SDK1: variants seen among roughly 807,000 people sequenced by gnomAD.
SDK1 encodes sidekick cell adhesion molecule 1, also known as protein sidekick-1.
A neutral mutation model predicts 245.5 loss-of-function variants in SDK1; 157 were observed. The ratio of observed to expected loss-of-function variants is 0.64; its 90% CI spans 0.56 to 0.73. SDK1 has a LOEUF of 0.73. Ranked by LOEUF, SDK1 falls within the 30% of genes least tolerant of loss-of-function variation. The pLI is 0.00. For synonymous variants in SDK1, 1,647 were observed against 1,278.5 expected, an observed-to-expected ratio of 1.29 and a Z score of -6.15; for missense variants, 3,583 against 3,002.3, an observed-to-expected ratio of 1.19 and a Z score of -4.52.
intron 5 of SDK1, among the ~76,000 whole-genome samples, chr7:3,858,866 CTTT>C (rs11464569): frequency 1.5e-5 from 2 of 131,354 alleles, no homozygotes. Context: ...TTTCTTTTTT[CTTT>C]TTTTTTTTTT....
intron 4 of SDK1, among the ~76,000 whole-genome samples, chr7:3,744,923 T>G (rs903261614): frequency 1.3e-5 from 2 of 152,192 alleles, no homozygotes; most frequent in Non-Finnish European, 2.9e-5. Flanking sequence ...TTTTTTGTGG[T>G]TATGCTTTTC....
chr7:4,236,746 G>A (rs187954353), intron 41 of SDK1, among the ~76,000 whole-genome samples: 158 of 152,200 alleles, frequency 1.0e-3, no homozygotes, highest in African/African-American at 3.6e-3. Context: ...AGGAGGAGGC[G>A]TAACAGGTGG....
intron 5 of SDK1, among the ~76,000 whole-genome samples, chr7:3,827,823 G>C (rs370274030): frequency 5.3e-5 from 8 of 152,164 alleles, no homozygotes; most frequent in African/African-American, 1.9e-4. Flanking sequence ...GATGGAAGCT[G>C]TCTGGATATT....
intron 31 of SDK1, 140 bp from the exon 32 acceptor site, chr7:4,161,646 A>G: frequency 1.5e-6 from 1 of 672,926 alleles, no homozygotes; most frequent in Admixed American, 2.3e-5. Flanking sequence ...GCCCCGAGGA[A>G]GGGCAGGAGA....
At chr7:3,341,476 C>G (rs1042592795) in intron 1 of SDK1, among the ~76,000 whole-genome samples, 1 of 152,000 alleles carries the variant, frequency 6.6e-6, no homozygotes, top group Non-Finnish European at 1.5e-5. Context: ...CTTTGCTGTC[C>G]AAAACAGTAG....
At chr7:4,074,137 G>T (rs796410044) in intron 20 of SDK1, among the ~76,000 whole-genome samples, 51 of 152,252 alleles carry the variant, frequency 3.3e-4, no homozygotes, top group African/African-American at 1.2e-3. Flanking sequence ...CTAAGTAGCT[G>T]GGCAGGCTGA....
chr7:4,009,452 C>T (rs889022503), intron 14 of SDK1, among the ~76,000 whole-genome samples: 1 of 152,136 alleles, frequency 6.6e-6, no homozygotes, highest in African/African-American at 2.4e-5. Flanking sequence ...TTTTAGGCTC[C>T]CAGAGTAAAA....
rs113949862 is a variant in SDK1, at chr7:3,557,346, T to A, written c.299-61734T>A. Among the ~76,000 whole-genome samples, 1,297 of 152,296 alleles carry A rather than the reference T, an allele frequency of 8.5e-3. 22 individuals are homozygous for A. Among genetic ancestry groups the A allele is most frequent in the African/African-American group, 0.029 (1,220 of 41,562 alleles). ...ATTTTCCAACTAAGAAGAAATGAGG[T>A]CAGTTTGTCAAAAACTGCAAACTAA... On this transcript the variant is annotated intron_variant, in intron 1 of 44. Transcript: ENST00000404826.
chr7:3,569,381 T>C (rs1780035275), intron 1 of SDK1, among the ~76,000 whole-genome samples: 1 of 152,216 alleles, frequency 6.6e-6, no homozygotes, highest in Non-Finnish European at 1.5e-5. Context: ...GTCACCTGGT[T>C]CCCAAGGTTC....
At chr7:4,165,960 A>G (rs1187396896) in intron 32 of SDK1, among the ~76,000 whole-genome samples, 1 of 151,626 alleles carries the variant, frequency 6.6e-6, no homozygotes, top group Non-Finnish European at 1.5e-5. Flanking sequence ...CTACTTCTTC[A>G]AAAAATTTCA....
At position 4,017,327 on chromosome 7, in the gene SDK1, A is replaced by C; in HGVS notation, c.2577A>C (p.Ala859=). 3 of 1,613,306 alleles carry C rather than the reference A, an allele frequency of 1.9e-6. No individual in the cohort carries two copies. The highest frequency in any genetic ancestry group is 1.7e-6 in the Non-Finnish European group (2 of 1,179,660). ...NGAGLGVFSR[A]VTEYTLQGVP... ...CCGGTCTGGGCGTCTTCAGCAGGGCAGTGACCGAGTACACCTTGCAGGGAG... is the reference window on the plus strand; with the variant it reads ...CCGGTCTGGGCGTCTTCAGCAGGGCCGTGACCGAGTACACCTTGCAGGGAG... The change falls in exon 17 of 45, where the codon GCA becomes GCC. Residue 859 remains alanine, a synonymous_variant. Coordinates refer to ENST00000404826, the MANE Select transcript of SDK1 (RefSeq NM_152744.4).
intron 11 of SDK1, 53 bp downstream of exon 11, chr7:3,969,477 AC>A (rs1283223919): frequency 9.3e-6 from 13 of 1,404,442 alleles, no homozygotes; most frequent in Non-Finnish European, 1.0e-5. Flanking sequence ...TTTAATCATC[AC>A]GTCATCGTGT....
chr7:3,403,864 T>C (rs1255376533), intron 1 of SDK1, among the ~76,000 whole-genome samples: 2 of 116,386 alleles, frequency 1.7e-5, no homozygotes, highest in African/African-American at 3.4e-5. Context: ...TATATATATA[T>C]ATATAATATA....
At chr7:3,612,103 C>T (rs560492498) in intron 1 of SDK1, among the ~76,000 whole-genome samples, 27 of 152,064 alleles carry the variant, frequency 1.8e-4, no homozygotes, top group South Asian at 2.1e-4. Flanking sequence ...AAGGGTGGGA[C>T]GGGGGTGAGG....
chr7:3,991,598 G>C (rs1171849270), intron 14 of SDK1, among the ~76,000 whole-genome samples: 7 of 152,122 alleles, frequency 4.6e-5, no homozygotes, highest in Admixed American at 4.6e-4. Context: ...ACTCAGAAGG[G>C]GACAGAGAAC....
intron 1 of SDK1, among the ~76,000 whole-genome samples, chr7:3,371,673 C>G (rs2128563535): frequency 6.6e-6 from 1 of 152,220 alleles, no homozygotes; most frequent in African/African-American, 2.4e-5. Context: ...CTTGGACACT[C>G]TCAGGATGCA....
chr7:3,927,019 C>T (rs1056523387), intron 5 of SDK1, among the ~76,000 whole-genome samples: 3 of 152,212 alleles, frequency 2.0e-5, no homozygotes, highest in East Asian at 1.9e-4. Flanking sequence ...CCACCGCGCT[C>T]TCAGCCACAG....
At chr7:4,139,511 ATATATGTGTGTG>A (rs1374563164) in intron 28 of SDK1, among the ~76,000 whole-genome samples, 1 of 47,590 alleles carries the variant, frequency 2.1e-5, no homozygotes, top group African/African-American at 6.3e-5. Flanking sequence ...GTGTATATGT[ATATATGTGTGTG>A]TATGTGTGTG....
chr7:4,199,753 C>G (rs1783781557), intron 35 of SDK1, among the ~76,000 whole-genome samples: 1 of 152,170 alleles, frequency 6.6e-6, no homozygotes, highest in Admixed American at 6.5e-5. Context: ...ACCTGGAGTG[C>G]TCTGCCTTTC....
Sources: gnomAD v4.1 joint callset for allele counts (sites outside exome capture counted in the v4.1 genomes callset) on GRCh38, gnomAD v4.1.1 for gene constraint, MANE v1.5 for transcripts, NCBI Gene and HGNC (gene_info 2026-07-23, HGNC 2026-07-21) for gene names.